The following KIAA1217 variants were observed in gnomAD, a reference collection of about 807,000 sequenced individuals.
KIAA1217 encodes the protein sickle tail protein homolog.
A neutral mutation model predicts 163.9 loss-of-function variants in KIAA1217; 88 were observed. The observed-to-expected ratio is 0.54, with a 90% CI of 0.45 to 0.64. The LOEUF (loss-of-function observed/expected upper bound fraction) is 0.64. Ranked by LOEUF, KIAA1217 falls within the 30% of genes least tolerant of loss-of-function variation. The pLI, the probability that KIAA1217 is intolerant of heterozygous loss-of-function variation, is 0.00. For synonymous variants in KIAA1217, 903 were observed against 923.1 expected (o/e 0.98, Z 0.39); for missense variants, 2,372 against 2,475.0 (o/e 0.96, Z 0.88).
chr10:23,899,711 C>T lies in KIAA1217; in HGVS notation c.-320-107514C>T, dbSNP rs545136551. Among the ~76,000 whole-genome samples, 3 of 152,158 alleles carry T rather than the reference C, an allele frequency of 2.0e-5. No homozygotes were observed. The East Asian group carries it at 5.8e-4, about 30-fold the overall frequency. ...TATCATGCGGTCCATAGCCAGAGCA[C>T]TAGAAAGCTCAGAGGACCACAGTCT... On this transcript the variant is annotated intron_variant, in intron 1 of 18. Coordinates refer to the KIAA1217 transcript ENST00000376462.
intron 1 of KIAA1217, among the ~76,000 whole-genome samples, chr10:23,824,409 G>A (rs1588893155): frequency 6.6e-6 from 1 of 151,182 alleles, no homozygotes; most frequent in South Asian, 2.1e-4. Context: ...GTGGGCAGAC[G>A]ATGAGGTCAG....
intron 1 of KIAA1217, among the ~76,000 whole-genome samples, chr10:23,861,632 G>A (rs991570033): frequency 6.6e-6 from 1 of 152,178 alleles, no homozygotes; most frequent in Admixed American, 6.5e-5. Flanking sequence ...CAAAGCTTCA[G>A]ACATACTCGA....
At chr10:24,419,638 A>G (rs1466207988) in intron 3 of KIAA1217, among the ~76,000 whole-genome samples, 1 of 152,150 alleles carries the variant, frequency 6.6e-6, no homozygotes. Context: ...TTTTTGTCAG[A>G]TTTTAAAGAG....
intron 2 of KIAA1217, among the ~76,000 whole-genome samples, chr10:24,276,381 G>A (rs1010581517): frequency 2.0e-5 from 3 of 152,170 alleles, no homozygotes; most frequent in African/African-American, 7.2e-5. Flanking sequence ...CGGTTTGAGG[G>A]CATCCCTTCC....
Position 24,544,282 on chromosome 10 carries a change from A to G in KIAA1217, c.5012A>G (p.Gln1671Arg). 6.2e-7 allele frequency: 1 copy of G among 1,614,196 alleles called. No individual in the cohort carries two copies. Residue 1671 changes from glutamine to arginine, a missense_variant, in exon 19 of 21, where the codon CAG (glutamine) becomes CGG (arginine). Gln to Arg is a conservative substitution (Grantham distance 43). This residue lies in a region of KIAA1217 where 690 missense variants were observed against 677.5 expected (regional missense o/e 1.02). Transcript: ENST00000376454. ...NTYRTLDSLEQTIKQLENTIS... is the reference protein window; with the variant it reads ...NTYRTLDSLERTIKQLENTIS... ...TACAGAACATTGGATAGCCTGGAGCAGACCATTAAACAGCTCGAAAATACA... is the reference window on the plus strand; with the variant it reads ...TACAGAACATTGGATAGCCTGGAGCGGACCATTAAACAGCTCGAAAATACA...
At chr10:23,946,482 G>C (rs1389329311) in intron 1 of KIAA1217, among the ~76,000 whole-genome samples, 1 of 151,952 alleles carries the variant, frequency 6.6e-6, no homozygotes, top group Non-Finnish European at 1.5e-5. Flanking sequence ...CATATACACA[G>C]CCATTCTAGA....
At chr10:23,826,231 G>C (rs1462234698) in intron 1 of KIAA1217, among the ~76,000 whole-genome samples, 1 of 151,872 alleles carries the variant, frequency 6.6e-6, no homozygotes, top group African/African-American at 2.4e-5. Context: ...ATTTTCTAAA[G>C]CAATAATAAA....
At chr10:24,441,438 G>T (rs2060489274) in intron 5 of KIAA1217, among the ~76,000 whole-genome samples, 3 of 152,182 alleles carry the variant, frequency 2.0e-5, no homozygotes, top group Admixed American at 2.0e-4. Flanking sequence ...AAAAGAAAAT[G>T]TAAAACTCTC....
chr10:24,291,693 A>G lies in KIAA1217; in HGVS notation c.354+71784A>G, dbSNP rs539214267. 8.5e-5 allele frequency among the ~76,000 whole-genome samples: 13 copies of G among 152,126 alleles called. 1 individual carries two copies. In the South Asian group the frequency reaches 2.3e-3, roughly 27 times the overall value. On this transcript the variant is annotated intron_variant, in intron 2 of 20. Transcript: ENST00000376454. The stretch of plus-strand genomic sequence containing the variant: ...AGTATGCTTTTGGTCACACTACACC[A>G]TTTTTTTATACCACCATAGAGTTGA...
chr10:24,361,736 G>T (rs2050031173), intron 2 of KIAA1217, among the ~76,000 whole-genome samples: 1 of 152,066 alleles, frequency 6.6e-6, no homozygotes, highest in Admixed American at 6.5e-5. Context: ...AGCCCTTTGG[G>T]AGGCCGAGGC....
intron 1 of KIAA1217, among the ~76,000 whole-genome samples, chr10:23,940,288 G>A (rs1211116989): frequency 6.6e-6 from 1 of 151,376 alleles, no homozygotes; most frequent in Non-Finnish European, 1.5e-5. Flanking sequence ...GGTGAAACCC[G>A]GTCTCTACTA....
chr10:24,457,535 A>G (rs2061933379), intron 5 of KIAA1217, among the ~76,000 whole-genome samples: 1 of 152,082 alleles, frequency 6.6e-6, no homozygotes, highest in Non-Finnish European at 1.5e-5. Context: ...TAGCCAGGGT[A>G]CAGGCATGCA....
intron 4 of KIAA1217, among the ~76,000 whole-genome samples, chr10:24,437,836 T>C (rs1016521470): frequency 1.4e-5 from 2 of 146,644 alleles, no homozygotes; most frequent in African/African-American, 5.0e-5. Flanking sequence ...TAGATCTTTT[T>C]GGTACTGTTT....
intron 6 of KIAA1217, among the ~76,000 whole-genome samples, chr10:24,487,438 G>A (rs10828658): frequency 0.28 from 42,509 of 152,184 alleles, 6,232 homozygotes; most frequent in African/African-American, 0.31. Context: ...ATAATCAATC[G>A]TCTCCCGAGG....
At chr10:23,731,399 A>G (rs1475576905) in intron 1 of KIAA1217, among the ~76,000 whole-genome samples, 2 of 152,208 alleles carry the variant, frequency 1.3e-5, no homozygotes, top group Non-Finnish European at 2.9e-5. Context: ...TCTGATGTCA[A>G]AAGGTGAACC....
chr10:23,922,848 C>T (rs1842896482), intron 1 of KIAA1217, among the ~76,000 whole-genome samples: 1 of 152,124 alleles, frequency 6.6e-6, no homozygotes, highest in Non-Finnish European at 1.5e-5. Flanking sequence ...GAACTAGGCA[C>T]ACCAGCTACA....
Position 24,195,067 on chromosome 10 carries a change from T to G in KIAA1217, c.-170-24559T>G, listed in dbSNP as rs147836083. On this transcript the variant is annotated intron_variant, in intron 2 of 18. Coordinates refer to the KIAA1217 transcript ENST00000376462. ...CCCCTCCCTGCCAGGCCACCCTGGG[T>G]GGGCTGTATTCTTCCAGGGAAGGCA... Among the ~76,000 whole-genome samples the G allele has an allele frequency of 3.4e-3, 522 of 152,148 alleles. 3 individuals carry two copies. Among genetic ancestry groups the G allele is most frequent in the Non-Finnish European group, 4.7e-3 (322 of 68,000 alleles).
chr10:24,173,286 C>G (rs2065718708), intron 2 of KIAA1217, among the ~76,000 whole-genome samples: 1 of 152,078 alleles, frequency 6.6e-6, no homozygotes, highest in Admixed American at 6.5e-5. Context: ...CATCTAGTTT[C>G]AGTAAAACAA....
chr10:24,004,423 T>G (rs914658049), intron 1 of KIAA1217, among the ~76,000 whole-genome samples: 11 of 152,208 alleles, frequency 7.2e-5, no homozygotes, highest in Non-Finnish European at 1.5e-4. Context: ...GAACTTCCAC[T>G]TGGCCATTTT....
Sources: allele counts gnomAD v4.1 joint callset (sites outside exome capture counted in the v4.1 genomes callset), GRCh38; gene constraint gnomAD v4.1.1; regional missense constraint gnomAD v4.1.1; transcripts MANE v1.5; gene names NCBI Gene and HGNC (gene_info 2026-07-23, HGNC 2026-07-21).